The following TTC27 variants were observed in gnomAD, a reference collection of about 807,000 sequenced individuals.
TTC27 encodes tetratricopeptide repeat domain 27.
Under a neutral mutation model 115.9 loss-of-function variants are expected in TTC27, and 79 were observed. The ratio of observed to expected loss-of-function variants is 0.68; its 90% CI spans 0.57 to 0.82. The LOEUF (loss-of-function observed/expected upper bound fraction) is 0.82. TTC27 is among the 40% of genes least tolerant of loss of function. The pLI, the probability that TTC27 is intolerant of heterozygous loss-of-function variation, is 0.00. For missense variants in TTC27, 1,054 were observed against 993.1 expected, an observed-to-expected ratio of 1.06 and a Z score of -0.82; for synonymous variants, 401 against 356.0, an observed-to-expected ratio of 1.13 and a Z score of -1.42.
At position 32,630,614 on chromosome 2, in the gene TTC27, A is replaced by T. The variant is rs764693484; in HGVS notation, c.180A>T (p.Thr60=). 1.3e-5 allele frequency: 21 copies of T among 1,613,786 alleles called. No homozygotes were observed. In the South Asian group the frequency reaches 2.2e-4, roughly 17 times the overall value. The stretch of plus-strand genomic sequence containing the variant: ...CTCAAAATATTTTTAATTCAACAAC[A>T]ACCGCTGAAGAAAAGATTGATAGCT... ...SMTQNIFNST[T]TAEEKIDSYL... is the part of the protein sequence containing the mutation. Residue 60 remains threonine, a synonymous_variant, in exon 2 of 20, where the codon ACA becomes ACT. Transcript: ENST00000317907.
chr2:32,798,716 T>A (rs56025617), intron 16 of TTC27, among the ~76,000 whole-genome samples: 23,900 of 112,992 alleles, frequency 0.21, 2,141 homozygotes, highest in African/African-American at 0.27. Flanking sequence ...AAAAAAAAAA[T>A]AATAATAATA....
chr2:32,793,577 C>T (rs781663033), intron 16 of TTC27, among the ~76,000 whole-genome samples: 4 of 152,282 alleles, frequency 2.6e-5, no homozygotes, highest in South Asian at 2.1e-4. Flanking sequence ...GGCTGGAATA[C>T]AATGGTGCCA....
intron 5 of TTC27, among the ~76,000 whole-genome samples, chr2:32,659,880 G>A (rs1665472221): frequency 6.6e-6 from 1 of 152,144 alleles, no homozygotes; most frequent in Admixed American, 6.5e-5. Flanking sequence ...ATTCCATGGT[G>A]TATATGTGCC....
intron 12 of TTC27, among the ~76,000 whole-genome samples, chr2:32,747,337 A>G (rs1276554203): frequency 6.6e-6 from 1 of 152,224 alleles, no homozygotes; most frequent in Non-Finnish European, 1.5e-5. Flanking sequence ...AAATAATTGT[A>G]AATCTAAAAT....
intron 13 of TTC27, among the ~76,000 whole-genome samples, chr2:32,761,620 T>C (rs1172425827): frequency 6.6e-6 from 1 of 152,124 alleles, no homozygotes; most frequent in African/African-American, 2.4e-5. Context: ...GGTCTTCCTC[T>C]TGCTCTTTCT....
chr2:32,809,937 T>C (rs909648333), intron 16 of TTC27, among the ~76,000 whole-genome samples: 6 of 151,758 alleles, frequency 4.0e-5, no homozygotes, highest in Non-Finnish European at 8.8e-5. Flanking sequence ...GCCAACATAG[T>C]GAAACCCCAT....
chr2:32,760,777 C>T (rs1003755106), intron 13 of TTC27, among the ~76,000 whole-genome samples: 16 of 152,316 alleles, frequency 1.1e-4, no homozygotes, highest in African/African-American at 3.6e-4. Flanking sequence ...GCCACAATCG[C>T]AGTTAAATCA....
chr2:32,736,487 T>A (rs1220603933), intron 11 of TTC27, among the ~76,000 whole-genome samples: 1 of 152,234 alleles, frequency 6.6e-6, no homozygotes, highest in Non-Finnish European at 1.5e-5. Flanking sequence ...TGTTCTTTAA[T>A]TCCTTATACC....
intron 9 of TTC27, among the ~76,000 whole-genome samples, chr2:32,694,023 T>A (rs945126703): frequency 1.7e-4 from 26 of 152,118 alleles, no homozygotes; most frequent in African/African-American, 6.0e-4. Flanking sequence ...AGAACCACCG[T>A]TGTAGAGGCT....
chr2:32,720,994 A>T (rs62133872), intron 10 of TTC27, among the ~76,000 whole-genome samples: 13 of 152,200 alleles, frequency 8.5e-5, no homozygotes, highest in Admixed American at 8.5e-4. Flanking sequence ...TCCAGCTGCC[A>T]TTATGGAGTC....
intron 14 of TTC27, among the ~76,000 whole-genome samples, chr2:32,780,394 G>A (rs1270872380): frequency 6.6e-6 from 1 of 151,886 alleles, no homozygotes; most frequent in Non-Finnish European, 1.5e-5. Context: ...ATTCCAAAGT[G>A]TTTTATCCTT....
Position 32,728,606 on chromosome 2 carries a change from C to T in TTC27, c.1234-5222C>T, listed in dbSNP as rs7561591. ...CTGCTTTCAATTTTGACACATCTGA[C>T]ATTGATCACATAGTTTTACAGAAGG... On this transcript the variant is annotated intron_variant, in intron 10 of 19. Coordinates refer to ENST00000317907, the MANE Select transcript of TTC27 (RefSeq NM_017735.5). Among the ~76,000 whole-genome samples, 685 of 152,312 alleles carry T rather than the reference C, an allele frequency of 4.5e-3. 7 individuals carry two copies. The highest frequency in any genetic ancestry group is 0.016 in the African/African-American group (647 of 41,554).
rs1553321532 is a variant in TTC27 at position 32,798,713 on chromosome 2, A to AAT, written c.1998+11565_1998+11566insTA. On this transcript the variant is annotated intron_variant, in intron 16 of 19. Transcript: ENST00000317907. ...GAGCGAGACTCCAGCTCAAAAAAAAAAATAATAATAATAATAATAATAATA... is the reference window on the plus strand; with the variant it reads ...GAGCGAGACTCCAGCTCAAAAAAAAAATAATAATAATAATAATAATAATAATA... Among the ~76,000 whole-genome samples, 143 of 142,352 alleles carry AAT rather than the reference A, an allele frequency of 1.0e-3. 1 individual carries two copies. Among genetic ancestry groups the AAT allele is most frequent in the Non-Finnish European group, 1.7e-3 (114 of 66,526 alleles). The allele number at this position is 142,352 out of a possible 152,430, so 93.4% of individuals were successfully genotyped here. A position where few individuals can be genotyped will look rare whatever the true frequency, so the allele number is the denominator to read the frequency against.
intron 14 of TTC27, among the ~76,000 whole-genome samples, chr2:32,779,335 T>G (rs890045028): frequency 3.3e-5 from 5 of 152,214 alleles, no homozygotes; most frequent in African/African-American, 1.2e-4. Flanking sequence ...GTCTTTTTTA[T>G]TATATCTGTT....
intron 12 of TTC27, 23 bp downstream of exon 12, chr2:32,736,839 G>T (rs748689302): frequency 1.2e-6 from 2 of 1,611,416 alleles, no homozygotes; most frequent in African/African-American, 2.7e-5. Context: ...CCAATTTGAT[G>T]TACTGGTGAG....
intron 8 of TTC27, among the ~76,000 whole-genome samples, chr2:32,677,272 C>T (rs907711180): frequency 6.6e-6 from 1 of 151,880 alleles, no homozygotes; most frequent in South Asian, 2.1e-4. Flanking sequence ...AACAATTTGT[C>T]GTTTTCCTTT....
At chr2:32,813,117 G>A (rs937499464) in intron 18 of TTC27, among the ~76,000 whole-genome samples, 1 of 152,196 alleles carries the variant, frequency 6.6e-6, no homozygotes, top group Non-Finnish European at 1.5e-5. Flanking sequence ...TTATATGCCT[G>A]TTGGGTAAAT....
At chr2:32,766,790 A>T (rs1434493727) in intron 13 of TTC27, among the ~76,000 whole-genome samples, 1 of 151,870 alleles carries the variant, frequency 6.6e-6, no homozygotes, top group Admixed American at 6.6e-5. Flanking sequence ...TTTATTATTT[A>T]TTTATTTATT....
At chr2:32,713,742 AC>A (rs1290536036) in intron 10 of TTC27, among the ~76,000 whole-genome samples, 8 of 152,134 alleles carry the variant, frequency 5.3e-5, no homozygotes, top group African/African-American at 9.7e-5. Context: ...TTTTTAAATG[AC>A]TTTTTTCCTA....
Sources: gnomAD v4.1 joint callset for allele counts (sites outside exome capture counted in the v4.1 genomes callset) on GRCh38, gnomAD v4.1.1 for gene constraint, MANE v1.5 for transcripts, NCBI Gene and HGNC (gene_info 2026-07-23, HGNC 2026-07-21) for gene names.